The following PCDH15 variants were observed in gnomAD, a reference collection of about 807,000 sequenced individuals.
PCDH15 encodes the protein protocadherin related 15, also known as protocadherin-15.
PCDH15 carries 129 observed loss-of-function variants against 178.5 expected under a neutral mutation model. The ratio of observed to expected loss-of-function variants is 0.72; its 90% CI spans 0.63 to 0.84. The LOEUF (loss-of-function observed/expected upper bound fraction) is 0.84, where lower values mean the gene tolerates loss of function less well. PCDH15 is among the 40% of genes least tolerant of loss of function. The pLI, the probability that PCDH15 is intolerant of heterozygous loss-of-function variation, is 0.00. For synonymous variants in PCDH15, 800 were observed against 732.0 expected (o/e 1.09, Z -1.50); for missense variants, 2,230 against 2,099.9 (o/e 1.06, Z -1.21).
chr10:54,228,868 C>T (rs2053752911), intron 9 of PCDH15, among the ~76,000 whole-genome samples: 1 of 152,200 alleles, frequency 6.6e-6, no homozygotes, highest in Non-Finnish European at 1.5e-5. Flanking sequence ...GTTTTACCAG[C>T]TCTTTCTACA....
chr10:54,321,307 G>C (rs1034728416), intron 7 of PCDH15, among the ~76,000 whole-genome samples: 3 of 150,076 alleles, frequency 2.0e-5, no homozygotes, highest in Non-Finnish European at 3.0e-5. Flanking sequence ...AGGACTATAG[G>C]TATGTGCCTG....
chr10:55,284,966 T>C (rs1408803156), intron 1 of PCDH15, among the ~76,000 whole-genome samples: 3 of 151,798 alleles, frequency 2.0e-5, no homozygotes, highest in Non-Finnish European at 2.9e-5. Context: ...AAAGGGATTC[T>C]GGTTTTGAAG....
intron 18 of PCDH15, among the ~76,000 whole-genome samples, chr10:54,056,870 G>T (rs186502895): frequency 6.6e-6 from 1 of 152,092 alleles, no homozygotes; most frequent in Non-Finnish European, 1.5e-5. Flanking sequence ...GGGGATACAG[G>T]CATTGGGTAA....
chr10:54,590,913 G>A (rs1028067862), intron 2 of PCDH15, among the ~76,000 whole-genome samples: 2 of 151,976 alleles, frequency 1.3e-5, no homozygotes, highest in East Asian at 1.9e-4. Flanking sequence ...CCTCATTTGG[G>A]AAGGGGTCTA....
intron 2 of PCDH15, among the ~76,000 whole-genome samples, chr10:55,009,211 G>T (rs528740304): frequency 6.6e-6 from 1 of 151,784 alleles, no homozygotes; most frequent in East Asian, 2.0e-4. Context: ...GTGAAGACAA[G>T]AATTATTTCC....
At chr10:53,845,854 A>G (rs2077937515) in intron 28 of PCDH15, among the ~76,000 whole-genome samples, 1 of 151,802 alleles carries the variant, frequency 6.6e-6, no homozygotes, top group Admixed American at 6.6e-5. Context: ...ATATTTCAAA[A>G]CAGCTAGATA....
At chr10:55,108,637 C>T (rs114878886) in intron 2 of PCDH15, among the ~76,000 whole-genome samples, 1,600 of 151,854 alleles carry the variant, frequency 0.011, 22 homozygotes, top group Middle Eastern at 0.037. Flanking sequence ...TAAACTGTAA[C>T]TAATTTCTAA....
chr10:55,189,306 A>C (rs899143643), intron 1 of PCDH15, among the ~76,000 whole-genome samples: 6 of 151,964 alleles, frequency 3.9e-5, no homozygotes, highest in African/African-American at 1.4e-4. Flanking sequence ...CATCTGCTTT[A>C]GCTCTCTTGG....
At chr10:55,198,988 A>C (rs2384630) in intron 1 of PCDH15, among the ~76,000 whole-genome samples, 34,877 of 151,948 alleles carry the variant, frequency 0.23, 4,205 homozygotes, top group East Asian at 0.3. Context: ...AATCTCAGGT[A>C]GTTATTTATA....
intron 2 of PCDH15, among the ~76,000 whole-genome samples, chr10:55,079,484 A>T (rs1355285549): frequency 6.6e-6 from 1 of 152,188 alleles, no homozygotes; most frequent in Non-Finnish European, 1.5e-5. Flanking sequence ...AGCCCCAGTC[A>T]TGACAACTGT....
At chr10:55,248,666 T>C (rs1283080010) in intron 1 of PCDH15, among the ~76,000 whole-genome samples, 2 of 152,082 alleles carry the variant, frequency 1.3e-5, no homozygotes, top group African/African-American at 4.8e-5. Flanking sequence ...TAGTGATTCT[T>C]GTGACTCAGC....
chr10:54,296,144 C>CAAAAAAAAAAAA (rs59721161), intron 8 of PCDH15, among the ~76,000 whole-genome samples: 1,222 of 48,214 alleles, frequency 0.025, 59 homozygotes, highest in Middle Eastern at 0.053. Flanking sequence ...GACTCCGTCT[C>CAAAAAAAAAAAA]AAAAAAAAAA....
chr10:54,345,486 C>A (rs552976612), intron 6 of PCDH15, among the ~76,000 whole-genome samples: 1 of 152,116 alleles, frequency 6.6e-6, no homozygotes, highest in Non-Finnish European at 1.5e-5. Flanking sequence ...TTTTGAGGAG[C>A]TGCCTCAAAG....
chr10:54,148,040 A>T (rs953941084), intron 14 of PCDH15, among the ~76,000 whole-genome samples: 1 of 152,022 alleles, frequency 6.6e-6, no homozygotes, highest in Non-Finnish European at 1.5e-5. Flanking sequence ...GAAATTATAT[A>T]TATAAAGGAG....
chr10:54,299,230 AAAG>A (rs976202670), intron 8 of PCDH15, among the ~76,000 whole-genome samples: 1 of 152,228 alleles, frequency 6.6e-6, no homozygotes, highest in East Asian at 1.9e-4. Flanking sequence ...AGACAGAGAC[AAAG>A]AAGAAGTCAA....
chr10:54,111,521 T>C (rs927609236), intron 15 of PCDH15, among the ~76,000 whole-genome samples: 19 of 152,096 alleles, frequency 1.2e-4, no homozygotes, highest in Non-Finnish European at 2.8e-4. Flanking sequence ...CTGAAGCAAA[T>C]GGAAGTTTTC....
At chr10:54,905,444 G>T (rs1044559702) in intron 2 of PCDH15, among the ~76,000 whole-genome samples, 1 of 152,092 alleles carries the variant, frequency 6.6e-6, no homozygotes, top group African/African-American at 2.4e-5. Flanking sequence ...CAAGCATGCT[G>T]TCAAAGAAAT....
At chr10:54,047,277 C>T (rs1317025460) in intron 18 of PCDH15, among the ~76,000 whole-genome samples, 5 of 151,220 alleles carry the variant, frequency 3.3e-5, no homozygotes, top group Admixed American at 3.3e-4. Flanking sequence ...TTATCTTTGC[C>T]TGTCCCATGA....
chr10:55,194,399 T>G (rs1219075071), intron 1 of PCDH15, among the ~76,000 whole-genome samples: 1 of 152,152 alleles, frequency 6.6e-6, no homozygotes, highest in East Asian at 1.9e-4. Flanking sequence ...TTAATTCCAA[T>G]ACCAATGTTA....
Sources: gnomAD v4.1 joint callset for allele counts (sites outside exome capture counted in the v4.1 genomes callset) on GRCh38, gnomAD v4.1.1 for gene constraint, MANE v1.5 for transcripts, NCBI Gene and HGNC (gene_info 2026-07-23, HGNC 2026-07-21) for gene names.